FBXL18: variants seen among roughly 807,000 people sequenced by gnomAD.
FBXL18 encodes the protein F-box/LRR-repeat protein 18.
In FBXL18, 36 loss-of-function variants were observed where a neutral mutation model predicts 46.0. That is an observed-to-expected ratio of 0.78 (90% confidence interval 0.60 to 1.03). The LOEUF (loss-of-function observed/expected upper bound fraction) is 1.03. Ranked by LOEUF, FBXL18 falls within the 50% of genes least tolerant of loss-of-function variation. FBXL18 has a pLI of 0.00. For missense variants in FBXL18, 977 were observed against 1,004.1 expected, an observed-to-expected ratio of 0.97 and a Z score of 0.36; for synonymous variants, 557 against 465.3, an observed-to-expected ratio of 1.20 and a Z score of -2.54.
chr7:5,476,663 CTCA>C lies in FBXL18; in HGVS notation c.*5109_*5111del, dbSNP rs1783522552. ...TTTTTATTTTATGTAGCGATACAGT[CTCA>C]CTATGTTGCCCAGGCTGGTCTCGAA... On this transcript the variant is annotated 3_prime_UTR_variant, in exon 5 of 5. Coordinates refer to ENST00000382368, the MANE Select transcript of FBXL18 (RefSeq NM_024963.6). The C allele has an allele frequency of 6.6e-6, 1 of 151,924 alleles. No individual in the cohort carries two copies. Among genetic ancestry groups the C allele is most frequent in the Non-Finnish European group, 1.5e-5 (1 of 68,084 alleles). The allele number at this position is 151,924 out of a possible 1,614,324, so 9.4% of individuals were successfully genotyped here.
chr7:5,498,078 TAC>T (rs377436413), intron 3 of FBXL18, among the ~76,000 whole-genome samples: 17 of 149,984 alleles, frequency 1.1e-4, no homozygotes, highest in African/African-American at 3.7e-4. Context: ...TTTTTCTTTT[TAC>T]TTTTTTTTTT....
chr7:5,513,603 G>C, intron 1 of FBXL18, 54 bp downstream of exon 1: 1 of 1,602,480 alleles, frequency 6.2e-7, no homozygotes, highest in Non-Finnish European at 8.5e-7. Flanking sequence ...GAAGAACCCA[G>C]GGAGACCGAG....
At chr7:5,492,552 A>C (rs943720061) in intron 3 of FBXL18, among the ~76,000 whole-genome samples, 1 of 152,044 alleles carries the variant, frequency 6.6e-6, no homozygotes, top group African/African-American at 2.4e-5. Context: ...CCCCCCACAC[A>C]CACACTATGC....
intron 4 of FBXL18, 99 bp from the exon 5 acceptor site, chr7:5,482,030 T>A: frequency 7.1e-7 from 1 of 1,416,138 alleles, no homozygotes; most frequent in South Asian, 1.4e-5. Context: ...TGCCTCCCCG[T>A]CCCGGGCTCA....
In FBXL18 at chr7:5,477,681, G is replaced by A. The variant is rs562902081; in HGVS notation, c.*4094C>T. 76 of 152,136 alleles carry A rather than the reference G, an allele frequency of 5.0e-4. No individual in the cohort carries two copies. Among genetic ancestry groups the A allele is most frequent in the African/African-American group, 1.8e-3 (76 of 41,486 alleles). The allele number at this position is 152,136 out of a possible 1,614,324, so 9.4% of individuals were successfully genotyped here. ...AGATCGTGCCACTGCACTCCAGCCT[G>A]GGGGACAAAGCAAGACTCCCTCTCA... On this transcript the variant is annotated 3_prime_UTR_variant, in exon 5 of 5. Transcript: ENST00000382368. The surrounding 1 kb of genome is among the most constrained non-coding windows in gnomAD (Gnocchi z 4.4).
At chr7:5,483,714 A>T (rs1783704653) in intron 4 of FBXL18, among the ~76,000 whole-genome samples, 1 of 151,882 alleles carries the variant, frequency 6.6e-6, no homozygotes, top group Admixed American at 6.6e-5. Flanking sequence ...ACTGCACTCC[A>T]GCCTGGGCAA....
In FBXL18 at chr7:5,500,756, C is replaced by T. The variant is rs1251481188; in HGVS notation, c.1513G>A (p.Ala505Thr). ...FSSAMPRNEP[A>T]IRNSLPPCSR... ...CAGGGTGGGAGCGAGTTGCGGATGG[C>T]GGGCTCGTTGCGGGGCATGGCGGAG... is the stretch of plus-strand genomic sequence containing the variant. The change falls in exon 3 of 5, where the codon GCC becomes ACC. Residue 505 changes from alanine to threonine, a missense_variant. Physicochemically the swap from Ala to Thr is moderately conservative, Grantham distance 58. Transcript: ENST00000382368. 2.5e-6 allele frequency: 4 copies of T among 1,612,386 alleles called. No homozygotes were observed. Among genetic ancestry groups the T allele is most frequent in the Non-Finnish European group, 3.4e-6 (4 of 1,179,698 alleles).
chr7:5,503,498 C>A (rs1289606649), intron 2 of FBXL18, among the ~76,000 whole-genome samples: 2 of 150,264 alleles, frequency 1.3e-5, no homozygotes, highest in Non-Finnish European at 2.9e-5. Context: ...GAACTACAGA[C>A]ATGTGCCACC....
downstream of FBXL18, among the ~76,000 whole-genome samples, chr7:5,473,301 C>T (rs769941970): frequency 1.3e-5 from 2 of 152,096 alleles, no homozygotes; most frequent in East Asian, 1.9e-4. Context: ...CTGGCCGCTC[C>T]GTTCTGCAGC....
rs1562680139 is a variant in FBXL18 at position 5,477,255 on chromosome 7, AC to A, written c.*4519del. Among the ~76,000 whole-genome samples the A allele has an allele frequency of 6.6e-6, 1 of 150,950 alleles. No homozygotes were observed. The highest frequency in any genetic ancestry group is 2.1e-4 in the South Asian group (1 of 4,770). On this transcript the variant is annotated 3_prime_UTR_variant, in exon 5 of 5. Coordinates refer to ENST00000382368, the MANE Select transcript of FBXL18 (RefSeq NM_024963.6). The surrounding 1 kb of genome is among the most constrained non-coding windows in gnomAD (Gnocchi z 4.4). The stretch of plus-strand genomic sequence containing the variant: ...AATGAGACCCATGACCATCACAAAG[AC>A]CCCCCAGCGTCGTGGTCAAGGCTAC...
At chr7:5,484,753 C>T (rs1783732684) in intron 4 of FBXL18, among the ~76,000 whole-genome samples, 1 of 151,388 alleles carries the variant, frequency 6.6e-6, no homozygotes, top group Non-Finnish European at 1.5e-5. Flanking sequence ...ATTTTCCCGT[C>T]TCAGCCTCCC....
In FBXL18 at chr7:5,491,243, G is replaced by T. The variant is rs778040104; in HGVS notation, c.1988C>A (p.Ser663Ter). Residue 663 changes from serine (S) to a stop codon, truncating the protein, a stop_gained, in exon 4 of 5, where the codon TCG (serine) becomes TAG (stop). Transcript: ENST00000382368. LOFTEE classifies it high-confidence loss of function. ...CCACATCACTCACCTGCGGAGAAGC[G>T]ACTGCTGCAGGCTCTTGCAGGTGGC... ...SLATCKSLQQSLLRSFQAERP... is the reference protein window; with the variant it reads ...SLATCKSLQQ The T allele has an allele frequency of 3.1e-6, 5 of 1,612,058 alleles. No individual in the cohort carries two copies. The highest frequency in any genetic ancestry group is 4.2e-6 in the Non-Finnish European group (5 of 1,179,304).
chr7:5,502,848 A>G (rs369597817), intron 2 of FBXL18, among the ~76,000 whole-genome samples: 8 of 137,426 alleles, frequency 5.8e-5, no homozygotes, highest in Non-Finnish European at 9.5e-5. Flanking sequence ...AAAAAAAAAA[A>G]CGGTTTGGTG....
chr7:5,499,039 T>A (rs910664125), intron 3 of FBXL18, among the ~76,000 whole-genome samples: 1 of 148,162 alleles, frequency 6.7e-6, no homozygotes, highest in African/African-American at 2.5e-5. Flanking sequence ...GGAAATGCCA[T>A]GGGCCCTGGA....
chr7:5,513,527 G>T, intron 1 of FBXL18, 130 bp downstream of exon 1: 2 of 1,046,224 alleles, frequency 1.9e-6, no homozygotes, highest in South Asian at 2.7e-5. Flanking sequence ...CCAGGGTCAG[G>T]ATGGGAAGGA....
Position 5,496,309 on chromosome 7 carries a change from G to T in FBXL18, c.1781+4179C>A, listed in dbSNP as rs528433474. On this transcript the variant is annotated intron_variant, in intron 3 of 4. Coordinates refer to ENST00000382368, the MANE Select transcript of FBXL18 (RefSeq NM_024963.6). The surrounding 1 kb of genome is among the most constrained non-coding windows in gnomAD (Gnocchi z 4.8). Reference sequence around the variant, plus strand: ...CCCAAAGGTCCCCTCCACCCGCGGTGGCTGCCGTCACCTCTGCCTCTTGCT... The same window carrying T: ...CCCAAAGGTCCCCTCCACCCGCGGTTGCTGCCGTCACCTCTGCCTCTTGCT... 6.6e-6 allele frequency among the ~76,000 whole-genome samples: 1 copy of T among 152,168 alleles called. No individual in the cohort carries two copies. The highest frequency in any genetic ancestry group is 2.4e-5 in the African/African-American group (1 of 41,436).
intron 4 of FBXL18, among the ~76,000 whole-genome samples, chr7:5,468,061 C>A (rs1354191972): frequency 6.6e-6 from 1 of 151,500 alleles, no homozygotes; most frequent in African/African-American, 2.4e-5. Context: ...CGGCTCACTG[C>A]AAGCTCTGCC....
At chr7:5,486,289 C>A (rs1467013747) in intron 4 of FBXL18, among the ~76,000 whole-genome samples, 1 of 142,260 alleles carries the variant, frequency 7.0e-6, no homozygotes, top group Non-Finnish European at 1.5e-5. Flanking sequence ...TGTGGTGGCA[C>A]ATGCCTCTAA....
At chr7:5,499,244 G>C (rs543245942) in intron 3 of FBXL18, among the ~76,000 whole-genome samples, 1 of 152,170 alleles carries the variant, frequency 6.6e-6, no homozygotes, top group African/African-American at 2.4e-5. Flanking sequence ...TCCCTCTCCC[G>C]GGTGAAACCC....
Sources: gnomAD v4.1 joint callset for allele counts (sites outside exome capture counted in the v4.1 genomes callset) on GRCh38, gnomAD v4.1.1 for gene constraint, Gnocchi (gnomAD v3.1) non-coding constraint, MANE v1.5 for transcripts, NCBI Gene and HGNC (gene_info 2026-07-23, HGNC 2026-07-21) for gene names.